GALNTL6: variants seen among roughly 807,000 people sequenced by gnomAD.
GALNTL6 encodes polypeptide N-acetylgalactosaminyltransferase-like 6.
Under a neutral mutation model 73.7 loss-of-function variants are expected in GALNTL6, and 46 were observed. The observed-to-expected ratio is 0.62, with a 90% CI of 0.49 to 0.80. GALNTL6 has a LOEUF of 0.80. Among genes scored for constraint, GALNTL6 ranks in the 30% least tolerant of loss-of-function variants. The pLI, the probability that GALNTL6 is intolerant of heterozygous loss-of-function variation, is 0.00. For synonymous variants in GALNTL6, 259 were observed against 263.7 expected, an observed-to-expected ratio of 0.98 and a Z score of 0.17; for missense variants, 604 against 755.0, an observed-to-expected ratio of 0.80 and a Z score of 2.34.
At chr4:172,144,735 T>C (rs1733885140) in intron 2 of GALNTL6, among the ~76,000 whole-genome samples, 1 of 152,230 alleles carries the variant, frequency 6.6e-6, no homozygotes, top group Admixed American at 6.5e-5. Flanking sequence ...CATCATAATG[T>C]GTACAAAATT....
At chr4:172,005,766 A>T (rs532628325) in intron 2 of GALNTL6, among the ~76,000 whole-genome samples, 1 of 152,264 alleles carries the variant, frequency 6.6e-6, no homozygotes, top group Admixed American at 6.5e-5. Context: ...ACTGCATGTG[A>T]TTACCATGGA....
chr4:172,044,763 G>C (rs1044584508), intron 2 of GALNTL6, among the ~76,000 whole-genome samples: 2 of 151,916 alleles, frequency 1.3e-5, no homozygotes, highest in African/African-American at 4.8e-5. Context: ...TCAGACACTT[G>C]CCTTTGAAAT....
At chr4:172,284,644 A>G (rs1739185851) in intron 3 of GALNTL6, among the ~76,000 whole-genome samples, 1 of 151,886 alleles carries the variant, frequency 6.6e-6, no homozygotes, top group Admixed American at 6.6e-5. Context: ...TCTTTCATCC[A>G]TTTTGTGTTG....
At chr4:172,361,563 A>G (rs1056640436) in intron 5 of GALNTL6, among the ~76,000 whole-genome samples, 2 of 152,128 alleles carry the variant, frequency 1.3e-5, no homozygotes, top group East Asian at 3.9e-4. Context: ...TAGCCTAAAA[A>G]TCGAACCCAG....
intron 2 of GALNTL6, among the ~76,000 whole-genome samples, chr4:172,180,223 T>G (rs1188092470): frequency 6.6e-6 from 1 of 152,206 alleles, no homozygotes; most frequent in Non-Finnish European, 1.5e-5. Context: ...TTCATACATT[T>G]GTTGGCCACA....
intron 2 of GALNTL6, among the ~76,000 whole-genome samples, chr4:172,056,215 G>C (rs556815222): frequency 3.3e-5 from 5 of 152,130 alleles, no homozygotes; most frequent in Non-Finnish European, 7.4e-5. Flanking sequence ...TTACATACTT[G>C]AACTTATATT....
At chr4:172,502,590 T>A (rs916809161) in intron 5 of GALNTL6, among the ~76,000 whole-genome samples, 5 of 152,172 alleles carry the variant, frequency 3.3e-5, no homozygotes, top group Non-Finnish European at 5.9e-5. Flanking sequence ...AAAGCATCAT[T>A]AATGTGTCCT....
chr4:172,226,609 G>GTGTA (rs2110960563), intron 2 of GALNTL6, among the ~76,000 whole-genome samples: 1 of 151,256 alleles, frequency 6.6e-6, no homozygotes, highest in Admixed American at 6.6e-5. Context: ...GTGTTTCTGT[G>GTGTA]TGTGTGTGTG....
intron 5 of GALNTL6, among the ~76,000 whole-genome samples, chr4:172,716,847 A>G (rs1341468274): frequency 6.6e-6 from 1 of 152,066 alleles, no homozygotes; most frequent in African/African-American, 2.4e-5. Flanking sequence ...CAATTTAGTT[A>G]TTTTCTCTTT....
At chr4:172,032,344 C>T (rs1273724729) in intron 2 of GALNTL6, among the ~76,000 whole-genome samples, 1 of 151,880 alleles carries the variant, frequency 6.6e-6, no homozygotes, top group Non-Finnish European at 1.5e-5. Flanking sequence ...GAATATTGCT[C>T]ATATTAAATT....
At chr4:171,819,217 T>C (rs1459480013) in intron 2 of GALNTL6, among the ~76,000 whole-genome samples, 1 of 152,066 alleles carries the variant, frequency 6.6e-6, no homozygotes, top group Non-Finnish European at 1.5e-5. Context: ...ATTAGGGTTT[T>C]AAAGGACCGT....
At chr4:171,947,092 A>T (rs912775064) in intron 2 of GALNTL6, among the ~76,000 whole-genome samples, 2 of 152,074 alleles carry the variant, frequency 1.3e-5, no homozygotes, top group African/African-American at 4.8e-5. Context: ...ATTTTTGAAT[A>T]CTTTCTTACA....
intron 2 of GALNTL6, among the ~76,000 whole-genome samples, chr4:172,156,544 T>TGTATATATATATATATATAATATATATA (rs1734279828): frequency 1.5e-5 from 1 of 67,948 alleles, no homozygotes; most frequent in African/African-American, 7.8e-5. Flanking sequence ...ATATATAATA[T>TGTATATATATATATATATAATATATATA]ATATATATAT....
At chr4:172,959,255 T>A in intron 10 of GALNTL6, among the ~76,000 whole-genome samples, 1 of 151,982 alleles carries the variant, frequency 6.6e-6, no homozygotes, top group South Asian at 2.1e-4. Context: ...AAGGAGGCTT[T>A]GAACTGGGGG....
At chr4:172,923,946 G>T (rs934971319) in intron 8 of GALNTL6, among the ~76,000 whole-genome samples, 1 of 152,092 alleles carries the variant, frequency 6.6e-6, no homozygotes, top group Non-Finnish European at 1.5e-5. Flanking sequence ...CACACAACAC[G>T]TGGGAATTCA....
At chr4:172,695,940 G>A (rs969866790) in intron 5 of GALNTL6, among the ~76,000 whole-genome samples, 1 of 151,604 alleles carries the variant, frequency 6.6e-6, no homozygotes, top group Admixed American at 6.6e-5. Flanking sequence ...GCAACAGAGC[G>A]AGACTCTGTC....
Position 172,450,023 on chromosome 4 carries a change from A to G in GALNTL6, c.553+101334A>G, listed in dbSNP as rs556758532. 2.0e-5 allele frequency among the ~76,000 whole-genome samples: 3 copies of G among 152,050 alleles called. No homozygotes were observed. The South Asian group carries it at 6.2e-4, about 32-fold the overall frequency. ...ACCTGAGGCTGGGAGTATGAGACCAACCTGACGAACATGGAGAAACCCTGT... is the reference window on the plus strand; with the variant it reads ...ACCTGAGGCTGGGAGTATGAGACCAGCCTGACGAACATGGAGAAACCCTGT... On this transcript the variant is annotated intron_variant, in intron 5 of 12. Coordinates refer to ENST00000506823, the MANE Select transcript of GALNTL6 (RefSeq NM_001034845.3).
In GALNTL6 at chr4:172,951,970, G is replaced by T; in HGVS notation, c.1150-67G>T. 6 of 1,315,744 alleles carry T rather than the reference G, an allele frequency of 4.6e-6. No individual in the cohort carries two copies. The Admixed American group carries it at 6.3e-5, about 14-fold the overall frequency. 81.5% of individuals were successfully genotyped at this position (1,315,744 alleles called of 1,614,324 possible). A position where few individuals can be genotyped will look rare whatever the true frequency, so the allele number is the denominator to read the frequency against. On this transcript the variant is annotated intron_variant, in intron 9 of 12. Coordinates refer to ENST00000506823, the MANE Select transcript of GALNTL6 (RefSeq NM_001034845.3). ...TTTCCTTTTCTTTTTTCAATTTCTG[G>T]TGCAACAAAAAACACCTTTTGAATG...
At chr4:172,894,769 T>C (rs571224197) in intron 8 of GALNTL6, among the ~76,000 whole-genome samples, 11 of 152,258 alleles carry the variant, frequency 7.2e-5, no homozygotes, top group African/African-American at 2.6e-4. Context: ...TTGCTGACAA[T>C]GGGGTGTTGA....
Sources: allele counts gnomAD v4.1 joint callset (sites outside exome capture counted in the v4.1 genomes callset), GRCh38; gene constraint gnomAD v4.1.1; transcripts MANE v1.5; gene names NCBI Gene and HGNC (gene_info 2026-07-23, HGNC 2026-07-21).